PADI3: variants seen among roughly 807,000 people sequenced by gnomAD.
The protein encoded by PADI3 is peptidyl arginine deiminase 3, also known as protein-arginine deiminase type-3.
Under a neutral mutation model 71.5 loss-of-function variants are expected in PADI3, and 53 were observed. The ratio of observed to expected loss-of-function variants is 0.74; its 90% confidence interval spans 0.59 to 0.93. The LOEUF (loss-of-function observed/expected upper bound fraction) is 0.93. PADI3 is among the 40% of genes least tolerant of loss of function. The pLI, the probability that PADI3 is intolerant of heterozygous loss-of-function variation, is 0.00. For missense variants in PADI3, 821 were observed against 868.0 expected, an observed-to-expected ratio of 0.95 and a Z score of 0.68; for synonymous variants, 361 against 347.5, an observed-to-expected ratio of 1.04 and a Z score of -0.43.
chr1:17,266,870 C>T lies in PADI3; in HGVS notation c.526+34C>T, dbSNP rs772546545. ...GGGGCAGCCTGAGTCCCTGGGTGTC[C>T]AGGGTCACTGCTCAGTTACCCCATG... On this transcript the variant is annotated intron_variant, in intron 5 of 15. Coordinates refer to ENST00000375460, the MANE Select transcript of PADI3 (RefSeq NM_016233.2). The T allele has an allele frequency of 2.0e-6, 3 of 1,502,768 alleles. No individual in the cohort carries two copies. The Admixed American group carries it at 5.0e-5, about 25-fold the overall frequency. The allele number at this position is 1,502,768 out of a possible 1,614,324, so 93.1% of individuals were successfully genotyped here. A position where few individuals can be genotyped will look rare whatever the true frequency, so the allele number is the denominator to read the frequency against.
chr1:17,249,179 C>T lies in PADI3; in HGVS notation c.42C>T (p.Pro14=), dbSNP rs1188634611. The T allele has an allele frequency of 6.2e-6, 10 of 1,614,174 alleles. No individual in the cohort carries two copies. Among genetic ancestry groups the T allele is most frequent in the Non-Finnish European group, 8.5e-6 (10 of 1,180,022 alleles). ...TCGTGCGTGTGTCCCTGGAGCATCC[C>T]ACCAGCGCGGTGTGTGTGGCTGGCG... The part of the protein sequence containing the change: ...QRIVRVSLEH[P]TSAVCVAGVE... The change falls in exon 1 of 16, where the codon CCC becomes CCT. Residue 14 remains proline (P), a synonymous_variant. Coordinates refer to ENST00000375460, the MANE Select transcript of PADI3 (RefSeq NM_016233.2).
At chr1:17,265,015 A>AAAG (rs1197714195) in intron 3 of PADI3, among the ~76,000 whole-genome samples, 1 of 151,748 alleles carries the variant, frequency 6.6e-6, no homozygotes, top group Non-Finnish European at 1.5e-5. Flanking sequence ...GTCTCAAAAA[A>AAAG]AAAAAAAAAT....
In PADI3 at chr1:17,276,538, A is replaced by G. The variant is rs1265755004; in HGVS notation, c.1327A>G (p.Thr443Ala). 1 of 1,613,982 alleles carries G rather than the reference A, an allele frequency of 6.2e-7. No homozygotes were observed. The highest frequency in any genetic ancestry group is 8.5e-7 in the Non-Finnish European group (1 of 1,180,040). The part of the protein sequence containing the change: ...NLPGSSGRRV[T>A]QVVRDFLHAQ... Reference sequence around the variant, plus strand: ...TCCCAGGTCAAGTGGCCGCAGGGTCACCCAGGTGGTGCGGGACTTCCTCCA... The same window carrying G: ...TCCCAGGTCAAGTGGCCGCAGGGTCGCCCAGGTGGTGCGGGACTTCCTCCA... Residue 443 changes from threonine (T) to alanine (A), a missense_variant, in exon 12 of 16, where the codon ACC (threonine) becomes GCC (alanine). Physicochemically the swap from Thr to Ala is moderately conservative, Grantham distance 58 (BLOSUM62 0). Coordinates refer to ENST00000375460, the MANE Select transcript of PADI3 (RefSeq NM_016233.2).
intron 13 of PADI3, 43 bp downstream of exon 13, chr1:17,276,919 C>G (rs751314884): frequency 4.6e-6 from 7 of 1,520,476 alleles, no homozygotes; most frequent in Non-Finnish European, 4.5e-6. Flanking sequence ...TTGCCTGCCC[C>G]TTACCCAAAT....
rs372035647 is a variant in PADI3 at position 17,259,716 on chromosome 1, C to T, written c.231C>T (p.Ile77=). 87 of 1,612,542 alleles carry T rather than the reference C, an allele frequency of 5.4e-5. No homozygotes were observed. In the African/African-American group the frequency reaches 8.4e-4, roughly 16 times the overall value. The change falls in exon 2 of 16, where the codon ATC becomes ATT. Residue 77 remains isoleucine, a synonymous_variant. Transcript: ENST00000375460. ...GCTTTGACGCGACTTTGGAGATCAT[C>T]GTGGTCATGAACTCCCCCAGCAATG... ...RWRFDATLEI[I]VVMNSPSNDL...
intron 3 of PADI3, among the ~76,000 whole-genome samples, chr1:17,262,866 A>G (rs2073120429): frequency 6.6e-6 from 1 of 152,262 alleles, no homozygotes; most frequent in Non-Finnish European, 1.5e-5. Flanking sequence ...AGTATCAAAC[A>G]GTCTAAATTC....
intron 13 of PADI3, among the ~76,000 whole-genome samples, chr1:17,278,592 T>C (rs1401224861): frequency 6.6e-6 from 1 of 152,094 alleles, no homozygotes; most frequent in East Asian, 1.9e-4. Flanking sequence ...GAGAGAGAGC[T>C]GGCTGGACTG....
intron 1 of PADI3, among the ~76,000 whole-genome samples, chr1:17,254,878 G>T: frequency 6.6e-6 from 1 of 152,096 alleles, no homozygotes; most frequent in Non-Finnish European, 1.5e-5. Context: ...CACCACGCCC[G>T]GCTAGTTTTG....
chr1:17,269,833 G>A (rs1211084944), intron 6 of PADI3, among the ~76,000 whole-genome samples: 1 of 152,090 alleles, frequency 6.6e-6, no homozygotes, highest in Non-Finnish European at 1.5e-5. Flanking sequence ...TAGCCAGGCT[G>A]GTCTTGAACT....
intron 1 of PADI3, among the ~76,000 whole-genome samples, chr1:17,256,455 A>G (rs1325223445): frequency 6.6e-6 from 1 of 152,188 alleles, no homozygotes; most frequent in Non-Finnish European, 1.5e-5. Context: ...CCCCAACCTC[A>G]GATGTAGCTT....
At chr1:17,281,898 G>A (rs1312443808) in intron 15 of PADI3, among the ~76,000 whole-genome samples, 1 of 152,170 alleles carries the variant, frequency 6.6e-6, no homozygotes. Context: ...CTGCCTTTTA[G>A]AGGAACACAG....
chr1:17,258,466 G>A (rs1044767053), intron 1 of PADI3, among the ~76,000 whole-genome samples: 1 of 152,352 alleles, frequency 6.6e-6, no homozygotes, highest in South Asian at 2.1e-4. Flanking sequence ...GTGGAATGAG[G>A]GAAATGCAAT....
chr1:17,274,498 C>G, intron 10 of PADI3, 137 bp from the exon 11 acceptor site: 1 of 710,482 alleles, frequency 1.4e-6, no homozygotes, highest in Non-Finnish European at 2.4e-6. Flanking sequence ...CCCCACCCAC[C>G]GCCAATGACT....
intron 3 of PADI3, among the ~76,000 whole-genome samples, chr1:17,262,484 A>T (rs901746431): frequency 6.6e-6 from 1 of 152,238 alleles, no homozygotes; most frequent in Non-Finnish European, 1.5e-5. Flanking sequence ...AGCCTCCACA[A>T]ATGGATACAT....
chr1:17,283,171 A>C lies in PADI3; in HGVS notation c.*92A>C. The C allele has an allele frequency of 2.1e-6, 2 of 966,728 alleles. No homozygotes were observed. Among genetic ancestry groups the C allele is most frequent in the South Asian group, 1.5e-5 (1 of 66,420 alleles). 59.9% of individuals were successfully genotyped at this position (966,728 alleles called of 1,614,324 possible). On this transcript the variant is annotated 3_prime_UTR_variant, in exon 16 of 16. Transcript: ENST00000375460. ...AGGCCCCTGAACGATAAGCACCAAG[A>C]GACCCCAAGGCTCCAGATGGAACAC...
chr1:17,251,168 G>A (rs181821907), intron 1 of PADI3, among the ~76,000 whole-genome samples: 1 of 152,318 alleles, frequency 6.6e-6, no homozygotes, highest in East Asian at 1.9e-4. Context: ...CACATACAGG[G>A]GAGAACAAGC....
intron 9 of PADI3, among the ~76,000 whole-genome samples, chr1:17,271,424 A>G (rs912029188): frequency 1.3e-5 from 2 of 152,208 alleles, no homozygotes; most frequent in Admixed American, 6.5e-5. Context: ...CAGGGGTGGC[A>G]CAGGTGTGAG....
chr1:17,255,099 G>A (rs973873923), intron 1 of PADI3, among the ~76,000 whole-genome samples: 10 of 152,192 alleles, frequency 6.6e-5, no homozygotes, highest in African/African-American at 1.7e-4. Context: ...CTTAAAATGC[G>A]GTTCCAAGGC....
rs1312064249 is a variant in PADI3 at position 17,270,309 on chromosome 1, T to A, written c.729T>A (p.His243Gln). The A allele has an allele frequency of 6.2e-7, 1 of 1,613,848 alleles. No individual in the cohort carries two copies. The highest frequency in any genetic ancestry group is 1.3e-5 in the African/African-American group (1 of 74,832). The change falls in exon 7 of 16, where the codon CAT (histidine) becomes CAA (glutamine). Residue 243 changes from histidine to glutamine, a missense_variant. Physicochemically the swap from His to Gln is conservative, Grantham distance 24 (BLOSUM62 0). Coordinates refer to ENST00000375460, the MANE Select transcript of PADI3 (RefSeq NM_016233.2). ...DKVSYEVPRL[H>Q]GDEERFFVEG... ...TGTCCTATGAGGTACCCCGCTTGCA[T>A]GGGGATGAGGAGCGCTTCTTCGTGG...
Sources: allele counts gnomAD v4.1 joint callset (sites outside exome capture counted in the v4.1 genomes callset), GRCh38; gene constraint gnomAD v4.1.1; transcripts MANE v1.5; gene names NCBI Gene and HGNC (gene_info 2026-07-23, HGNC 2026-07-21).